Variants in IGF1R observed in about 807,000 individuals in gnomAD.
IGF1R encodes the protein insulin like growth factor 1 receptor.
Under a neutral mutation model 144.6 loss-of-function variants are expected in IGF1R, and 44 were observed. The observed-to-expected ratio is 0.30, with a 90% CI of 0.24 to 0.39. The LOEUF (loss-of-function observed/expected upper bound fraction) is 0.39. Ranked by LOEUF, IGF1R falls within the 10% of genes least tolerant of loss-of-function variation. The pLI, the probability that IGF1R is intolerant of heterozygous loss-of-function variation, is 1.00. For missense variants in IGF1R, 1,355 were observed against 1,833.7 expected, an observed-to-expected ratio of 0.74 and a Z score of 4.77; for synonymous variants, 795 against 722.8, an observed-to-expected ratio of 1.10 and a Z score of -1.60.
chr15:98,795,121 G>A (rs888541508), intron 2 of IGF1R, among the ~76,000 whole-genome samples: 1 of 58,854 alleles, frequency 1.7e-5, no homozygotes, highest in Non-Finnish European at 3.6e-5. Context: ...ACATCCATAA[G>A]CAAACTAAGT....
chr15:98,883,363 C>T (rs746723252), intron 2 of IGF1R, among the ~76,000 whole-genome samples: 2 of 152,222 alleles, frequency 1.3e-5, no homozygotes, highest in Non-Finnish European at 2.9e-5. Context: ...CTCTTGTCTT[C>T]ATTTTGAGAA....
chr15:98,875,722 G>T (rs1327761092), intron 2 of IGF1R, among the ~76,000 whole-genome samples: 1 of 152,118 alleles, frequency 6.6e-6, no homozygotes, highest in Non-Finnish European at 1.5e-5. Flanking sequence ...GCTAATGTTT[G>T]GGAGGCAATT....
chr15:98,666,166 T>C (rs938095987), intron 1 of IGF1R, among the ~76,000 whole-genome samples: 4 of 152,178 alleles, frequency 2.6e-5, no homozygotes, highest in Non-Finnish European at 5.9e-5. Flanking sequence ...AGACCCACAA[T>C]TGGTACTTCA....
At chr15:98,823,798 G>T (rs1267958184) in intron 2 of IGF1R, among the ~76,000 whole-genome samples, 14 of 152,008 alleles carry the variant, frequency 9.2e-5, no homozygotes. Flanking sequence ...TGATCCAGTA[G>T]TTAAAACTCC....
intron 2 of IGF1R, among the ~76,000 whole-genome samples, chr15:98,805,503 G>GGTGTGT (rs58675410): frequency 2.1e-4 from 32 of 150,164 alleles, no homozygotes; most frequent in African/African-American, 7.6e-4. Flanking sequence ...GTGTGTGTAT[G>GGTGTGT]GTGTGTGTGT....
At chr15:98,762,949 C>A (rs758349593) in intron 2 of IGF1R, among the ~76,000 whole-genome samples, 28 of 149,248 alleles carry the variant, frequency 1.9e-4, no homozygotes, top group African/African-American at 6.4e-4. Context: ...AGGAGGCTGA[C>A]GCAGGAGAAT....
intron 6 of IGF1R, among the ~76,000 whole-genome samples, chr15:98,909,181 CAGTT>C (rs1166314384): frequency 1.3e-5 from 2 of 152,020 alleles, no homozygotes; most frequent in African/African-American, 4.8e-5. Flanking sequence ...ACAGAATGCA[CAGTT>C]AAATGTCCTT....
At chr15:98,828,281 CT>C (rs201968144) in intron 2 of IGF1R, among the ~76,000 whole-genome samples, 1 of 151,450 alleles carries the variant, frequency 6.6e-6, no homozygotes, top group Admixed American at 6.6e-5. Flanking sequence ...CTGTTGGGAA[CT>C]TTTTTTTTAG....
chr15:98,761,336 A>AG (rs1210373796), intron 2 of IGF1R, among the ~76,000 whole-genome samples: 2 of 152,206 alleles, frequency 1.3e-5, no homozygotes, highest in Non-Finnish European at 2.9e-5. Context: ...GCAGAGAGGG[A>AG]GGGAGAAAAC....
chr15:98,769,291 C>T (rs1187155212), intron 2 of IGF1R, among the ~76,000 whole-genome samples: 1 of 152,148 alleles, frequency 6.6e-6, no homozygotes, highest in Non-Finnish European at 1.5e-5. Flanking sequence ...TTGCTTAAGT[C>T]GCTTAAGGCC....
At chr15:98,810,774 T>G (rs1005808441) in intron 2 of IGF1R, among the ~76,000 whole-genome samples, 3 of 151,506 alleles carry the variant, frequency 2.0e-5, no homozygotes, top group Admixed American at 1.3e-4. Flanking sequence ...GGTCTTGATC[T>G]CCTGACCTCG....
chr15:98,950,259 T>G (rs1230718595), intron 20 of IGF1R, among the ~76,000 whole-genome samples: 1 of 152,180 alleles, frequency 6.6e-6, no homozygotes, highest in African/African-American at 2.4e-5. Flanking sequence ...TAGATAGATA[T>G]GAACCAGACA....
chr15:98,753,285 C>T (rs1484936299), intron 2 of IGF1R, among the ~76,000 whole-genome samples: 1 of 148,370 alleles, frequency 6.7e-6, no homozygotes, highest in Admixed American at 6.8e-5. Flanking sequence ...GGCACGATCT[C>T]GGCTCACTGC....
chr15:98,718,946 G>A (rs1269185334), intron 2 of IGF1R, among the ~76,000 whole-genome samples: 3 of 151,914 alleles, frequency 2.0e-5, no homozygotes, highest in African/African-American at 7.3e-5. Context: ...TTTGTTCCTG[G>A]GGTGGTAACC....
rs145305864 is a variant in IGF1R at position 98,799,264 on chromosome 15, C to T, written c.640+91157C>T. On this transcript the variant is annotated intron_variant, in intron 2 of 20. Coordinates refer to ENST00000650285, the MANE Select transcript of IGF1R (RefSeq NM_000875.5). ...TGATCATGGATATGTTTTCTCCACC[C>T]GTAAAGTACGTTCATATTCATAGAA... Among the ~76,000 whole-genome samples, 519 of 152,152 alleles carry T rather than the reference C, an allele frequency of 3.4e-3. 4 individuals are homozygous for T. Among genetic ancestry groups the T allele is most frequent in the African/African-American group, 0.012 (488 of 41,498 alleles).
chr15:98,863,974 G>A (rs1005718311), intron 2 of IGF1R, among the ~76,000 whole-genome samples: 1 of 152,126 alleles, frequency 6.6e-6, no homozygotes, highest in Non-Finnish European at 1.5e-5. Flanking sequence ...TAGAATAAAC[G>A]TGGCTGGGTG....
intron 10 of IGF1R, among the ~76,000 whole-genome samples, chr15:98,921,482 G>A (rs938225845): frequency 1.3e-5 from 2 of 152,180 alleles, no homozygotes; most frequent in Non-Finnish European, 2.9e-5. Context: ...TGAGGCCACA[G>A]GTGCTCACTG....
intron 1 of IGF1R, among the ~76,000 whole-genome samples, chr15:98,703,426 A>G (rs1355081188): frequency 6.6e-6 from 1 of 152,056 alleles, no homozygotes; most frequent in Non-Finnish European, 1.5e-5. Context: ...CGCTGCTATC[A>G]TTCATGGTCC....
chr15:98,915,115 C>T (rs923313200), intron 8 of IGF1R, among the ~76,000 whole-genome samples: 4 of 152,156 alleles, frequency 2.6e-5, no homozygotes, highest in Admixed American at 1.3e-4. Flanking sequence ...CTTTGAAAAA[C>T]CATCAACATT....
Sources: gnomAD v4.1 joint callset for allele counts (sites outside exome capture counted in the v4.1 genomes callset) on GRCh38, gnomAD v4.1.1 for gene constraint, MANE v1.5 for transcripts, NCBI Gene and HGNC (gene_info 2026-07-23, HGNC 2026-07-21) for gene names.